Variants in CSPG5 observed in about 807,000 individuals in gnomAD.
The protein encoded by CSPG5 is acidic leucine-rich EGF-like domain-containing brain protein.
Under a neutral mutation model 39.8 loss-of-function variants are expected in CSPG5, and 25 were observed. The observed-to-expected ratio is 0.63, with a 90% CI of 0.46 to 0.88. The LOEUF (loss-of-function observed/expected upper bound fraction) is 0.88, where lower values mean the gene tolerates loss of function less well. Among genes scored for constraint, CSPG5 ranks in the 40% least tolerant of loss-of-function variants. The pLI, the probability that CSPG5 is intolerant of heterozygous loss-of-function variation, is 0.00. For synonymous variants in CSPG5, 295 were observed against 303.9 expected, an observed-to-expected ratio of 0.97 and a Z score of 0.31; for missense variants, 627 against 702.2, an observed-to-expected ratio of 0.89 and a Z score of 1.21.
chr3:47,576,461 GT>G (rs397769662), intron 2 of CSPG5, among the ~76,000 whole-genome samples: 139 of 135,282 alleles, frequency 1.0e-3, no homozygotes, highest in South Asian at 8.1e-3. Context: ...GTTTTGTTTT[GT>G]TTTTTTTTTT....
intron 4 of CSPG5, among the ~76,000 whole-genome samples, chr3:47,566,485 G>T (rs2031306487): frequency 1.3e-5 from 2 of 152,164 alleles, no homozygotes; most frequent in Admixed American, 6.5e-5. Flanking sequence ...TCTTGAATAT[G>T]ACTAAGTTTG....
At chr3:47,575,816 A>G (rs1344786333) in intron 2 of CSPG5, among the ~76,000 whole-genome samples, 2 of 151,330 alleles carry the variant, frequency 1.3e-5, no homozygotes, top group Non-Finnish European at 2.9e-5. Context: ...TCTTTATCCC[A>G]CAGAGTAGGT....
chr3:47,578,621 C>G lies in CSPG5; in HGVS notation c.73G>C (p.Val25Leu). 8.6e-7 allele frequency: 1 copy of G among 1,169,110 alleles called. No homozygotes were observed. The highest frequency in any genetic ancestry group is 1.1e-6 in the Non-Finnish European group (1 of 945,216). 72.4% of individuals were successfully genotyped at this position (1,169,110 alleles called of 1,614,324 possible). Residue 25 changes from valine (V) to leucine (L), a missense_variant, in exon 1 of 5, where the codon GTC becomes CTC. Val to Leu is a conservative substitution (Grantham distance 32). Coordinates refer to ENST00000264723, the MANE Select transcript of CSPG5 (RefSeq NM_006574.4). This position sits in a 1 kb window ranked among gnomAD's most constrained non-coding sequence, Gnocchi z 6.0. Reference protein sequence around the residue: ...PLLLFLGAALVLASGAVPARE... With the variant: ...PLLLFLGAALLLASGAVPARE... Reference sequence around the variant, plus strand: ...CCCGGCACGGCCCCAGAGGCCAGGACCAGCGCGGCCCCCAGAAACAGCAGC... The same window carrying G: ...CCCGGCACGGCCCCAGAGGCCAGGAGCAGCGCGGCCCCCAGAAACAGCAGC...
At chr3:47,571,885 T>C (rs1475463190) in intron 3 of CSPG5, among the ~76,000 whole-genome samples, 1 of 152,210 alleles carries the variant, frequency 6.6e-6, no homozygotes, top group Non-Finnish European at 1.5e-5. Context: ...TTTCTAACTT[T>C]GCTTAGTAAT....
rs1275007539 is a variant in CSPG5 at position 47,578,554 on chromosome 3, G to A, written c.97+43C>T. ...CGCCAGCGGGACCCCTGCCCTGGGT[G>A]GGGCACGAGGGCCGCGGGGGTCCCG... On this transcript the variant is annotated intron_variant, in intron 1 of 4. Coordinates refer to ENST00000264723, the MANE Select transcript of CSPG5 (RefSeq NM_006574.4). The surrounding 1 kb of genome is among the most constrained non-coding windows in gnomAD (Gnocchi z 6.0). 2 of 704,870 alleles carry A rather than the reference G, an allele frequency of 2.8e-6. No individual in the cohort carries two copies. Among genetic ancestry groups the A allele is most frequent in the Non-Finnish European group, 3.8e-6 (2 of 531,184 alleles). The allele number at this position is 704,870 out of a possible 1,614,324, so 43.7% of individuals were successfully genotyped here.
At chr3:47,566,337 C>T (rs2031298398) in intron 4 of CSPG5, among the ~76,000 whole-genome samples, 1 of 152,144 alleles carries the variant, frequency 6.6e-6, no homozygotes, top group African/African-American at 2.4e-5. Flanking sequence ...GTCTCTCCTC[C>T]CGTATCATCT....
intron 4 of CSPG5, among the ~76,000 whole-genome samples, chr3:47,563,294 G>A (rs1333725092): frequency 2.0e-5 from 3 of 152,176 alleles, no homozygotes; most frequent in African/African-American, 4.8e-5. Flanking sequence ...GCTGACTAGA[G>A]GTCAAAGATG....
intron 3 of CSPG5, among the ~76,000 whole-genome samples, chr3:47,570,091 T>A (rs929312456): frequency 1.3e-5 from 2 of 152,010 alleles, no homozygotes; most frequent in African/African-American, 4.8e-5. Context: ...TCTTTTTTTT[T>A]TTATTTTACT....
rs1186748051 is a variant in CSPG5, at chr3:47,578,625, C to T, written c.69G>A (p.Ala23=). The T allele has an allele frequency of 2.6e-6, 3 of 1,165,412 alleles. No homozygotes were observed. The highest frequency in any genetic ancestry group is 3.8e-5 in the South Asian group (1 of 26,342). The allele number at this position is 1,165,412 out of a possible 1,614,324, so 72.2% of individuals were successfully genotyped here. A position where few individuals can be genotyped will look rare whatever the true frequency, so the allele number is the denominator to read the frequency against. The change falls in exon 1 of 5, where the codon GCG becomes GCA. Residue 23 remains alanine (A), a synonymous_variant. Transcript: ENST00000264723. The surrounding 1 kb of genome is among the most constrained non-coding windows in gnomAD (Gnocchi z 6.0). ...PPPLLLFLGA[A]LVLASGAVPA... Reference sequence around the variant, plus strand: ...GCACGGCCCCAGAGGCCAGGACCAGCGCGGCCCCCAGAAACAGCAGCAGTG... The same window carrying T: ...GCACGGCCCCAGAGGCCAGGACCAGTGCGGCCCCCAGAAACAGCAGCAGTG...
intron 2 of CSPG5, among the ~76,000 whole-genome samples, chr3:47,576,554 G>T (rs2031743502): frequency 6.6e-6 from 1 of 151,878 alleles, no homozygotes; most frequent in Non-Finnish European, 1.5e-5. Context: ...CACCCTCCGG[G>T]TTCAAATGAT....
At chr3:47,569,946 C>T (rs1057204782) in intron 3 of CSPG5, among the ~76,000 whole-genome samples, 3 of 151,928 alleles carry the variant, frequency 2.0e-5, no homozygotes, top group African/African-American at 7.3e-5. Context: ...TGGGGTTTGA[C>T]CATGTTGCCC....
chr3:47,567,903 T>A (rs372401858), intron 4 of CSPG5, among the ~76,000 whole-genome samples: 44 of 152,230 alleles, frequency 2.9e-4, no homozygotes, highest in African/African-American at 1.1e-3. Context: ...TCCTAGCAAC[T>A]CAGGAGGCTG....
chr3:47,568,673 T>C (rs1044835695), intron 4 of CSPG5, among the ~76,000 whole-genome samples: 4 of 152,040 alleles, frequency 2.6e-5, no homozygotes, highest in Non-Finnish European at 4.4e-5. Context: ...AAGACAATAA[T>C]CAGACTTCTA....
At chr3:47,566,157 G>T (rs2108189617) in intron 4 of CSPG5, among the ~76,000 whole-genome samples, 1 of 152,140 alleles carries the variant, frequency 6.6e-6, no homozygotes, top group East Asian at 1.9e-4. Flanking sequence ...GACAGTGTAG[G>T]AAAATGACCT....
chr3:47,577,017 T>C lies in CSPG5; in HGVS notation c.1009A>G (p.Ile337Val), dbSNP rs555156953. ...TCTCCTGGGCGGGGCCTGAGGGCGA[T>C]GCTGCTGCCGGGGACCGACCCCAGA... is the stretch of plus-strand genomic sequence containing the variant. ...HTLGSVPGSS[I>V]ALRPRPGEPG... Residue 337 changes from isoleucine (I) to valine (V), a missense_variant, in exon 2 of 5, where the codon ATC becomes GTC. Coordinates refer to ENST00000264723, the MANE Select transcript of CSPG5 (RefSeq NM_006574.4). The surrounding 1 kb of genome is among the most constrained non-coding windows in gnomAD (Gnocchi z 4.7). 36 of 1,613,148 alleles carry C rather than the reference T, an allele frequency of 2.2e-5. No individual in the cohort carries two copies. Among genetic ancestry groups the C allele is most frequent in the South Asian group, 7.7e-5 (7 of 91,006 alleles).
Position 47,562,557 on chromosome 3 carries a change from A to ACC in CSPG5, c.*41_*42dup. On this transcript the variant is annotated 3_prime_UTR_variant, in exon 5 of 5. Coordinates refer to ENST00000264723, the MANE Select transcript of CSPG5 (RefSeq NM_006574.4). ...AAGAGGAGATAATGTTTCTTCCCCTACCCCCCACCCACTACCCCCGCTTCC... is the reference window on the plus strand; with the variant it reads ...AAGAGGAGATAATGTTTCTTCCCCTACCCCCCCCACCCACTACCCCCGCTTCC... 9.3e-7 allele frequency: 1 copy of ACC among 1,073,228 alleles called. No individual in the cohort carries two copies. Among genetic ancestry groups the ACC allele is most frequent in the Non-Finnish European group, 1.4e-6 (1 of 707,514 alleles). 66.5% of individuals were successfully genotyped at this position (1,073,228 alleles called of 1,614,324 possible). A position where few individuals can be genotyped will look rare whatever the true frequency, so the allele number is the denominator to read the frequency against.
intron 2 of CSPG5, among the ~76,000 whole-genome samples, chr3:47,574,421 C>G (rs78971055): frequency 1.3e-5 from 2 of 152,304 alleles, no homozygotes; most frequent in Admixed American, 1.3e-4. Flanking sequence ...GAAATCATCA[C>G]TATAGTCCCC....
chr3:47,566,234 T>A (rs1192971633), intron 4 of CSPG5, among the ~76,000 whole-genome samples: 3 of 152,072 alleles, frequency 2.0e-5, no homozygotes, highest in Non-Finnish European at 4.4e-5. Context: ...CTCTCCAAAA[T>A]TTTAGAGAAA....
chr3:47,569,022 C>T (rs1191787065), intron 4 of CSPG5, 130 bp downstream of exon 4: 1 of 1,418,768 alleles, frequency 7.0e-7, no homozygotes, highest in Non-Finnish European at 9.3e-7. Flanking sequence ...AGACATGGGC[C>T]AGGGGCCAAA....
Sources: allele counts gnomAD v4.1 joint callset (sites outside exome capture counted in the v4.1 genomes callset), GRCh38; gene constraint gnomAD v4.1.1; non-coding constraint Gnocchi (gnomAD v3.1); transcripts MANE v1.5; gene names NCBI Gene and HGNC (gene_info 2026-07-23, HGNC 2026-07-21).